DNMT3B: variants seen among roughly 807,000 people sequenced by gnomAD.
DNMT3B encodes DNA (cytosine-5)-methyltransferase 3B.
DNMT3B carries 37 observed loss-of-function variants against 120.2 expected under a neutral mutation model. The observed-to-expected ratio is 0.31, with a 90% CI of 0.24 to 0.40. The LOEUF (loss-of-function observed/expected upper bound fraction) is 0.40. DNMT3B is among the 10% of genes least tolerant of loss of function. DNMT3B has a pLI of 1.00. For synonymous variants in DNMT3B, 412 were observed against 442.8 expected (o/e 0.93, Z 0.87); for missense variants, 878 against 1,137.3 (o/e 0.77, Z 3.28).
chr20:32,765,977 T>A (rs1987343829), intron 1 of DNMT3B, among the ~76,000 whole-genome samples: 1 of 151,898 alleles, frequency 6.6e-6, no homozygotes, highest in South Asian at 2.1e-4. Flanking sequence ...CAGGATGGTC[T>A]CAATCTCCTG....
At chr20:32,794,485 C>T (rs958582046) in intron 10 of DNMT3B, among the ~76,000 whole-genome samples, 1 of 152,040 alleles carries the variant, frequency 6.6e-6, no homozygotes, top group African/African-American at 2.4e-5. Flanking sequence ...AGTTCACCAG[C>T]CTGGCCAGCA....
chr20:32,803,836 C>T (rs1981660275), intron 20 of DNMT3B, among the ~76,000 whole-genome samples: 1 of 152,236 alleles, frequency 6.6e-6, no homozygotes, highest in African/African-American at 2.4e-5. Context: ...TAATGTGGTA[C>T]CGCTGAAATC....
chr20:32,777,806 G>A (rs951781223), intron 1 of DNMT3B, among the ~76,000 whole-genome samples: 2 of 152,180 alleles, frequency 1.3e-5, no homozygotes, highest in South Asian at 2.1e-4. Context: ...CTGTTCTTCC[G>A]GGTCAGGGCT....
rs145326983 is a variant in DNMT3B at position 32,787,416 on chromosome 20, G to A, written c.619G>A (p.Ala207Thr). The change falls in exon 6 of 23, where the codon GCA becomes ACA. Residue 207 changes from alanine to threonine, a missense_variant. Ala to Thr is a moderately conservative substitution (Grantham distance 58). Around this residue, in one of 4 missense-constraint regions of DNMT3B, gnomAD observed 287 missense variants for 306.2 expected, o/e 0.94. Transcript: ENST00000328111. ...GGGCATGGAGTCCCCGCAGGTGGAG[G>A]CAGACAGTGGAGATGGAGACAGTTC... is the stretch of plus-strand genomic sequence containing the variant. ...QGGMESPQVE[A>T]DSGDGDSSEY... 1.2e-6 allele frequency: 2 copies of A among 1,614,112 alleles called. No homozygotes were observed. The highest frequency in any genetic ancestry group is 1.7e-5 in the Admixed American group (1 of 60,012).
chr20:32,767,322 C>T (rs1987441333), intron 1 of DNMT3B, among the ~76,000 whole-genome samples: 1 of 152,140 alleles, frequency 6.6e-6, no homozygotes, highest in African/African-American at 2.4e-5. Context: ...CTCAATTTTC[C>T]AGTACCTTGC....
At chr20:32,786,354 G>A in intron 4 of DNMT3B, 148 bp from the exon 5 acceptor site, 1 of 1,150,756 alleles carries the variant, frequency 8.7e-7, no homozygotes, top group Non-Finnish European at 1.3e-6. Flanking sequence ...TCAGTCCAGA[G>A]TCCCACCTCA....
chr20:32,776,828 TGAGA>T (rs1227893764), intron 1 of DNMT3B, among the ~76,000 whole-genome samples: 1 of 152,028 alleles, frequency 6.6e-6, no homozygotes, highest in African/African-American at 2.4e-5. Context: ...TTTTGAGGTC[TGAGA>T]AAGGAAGCAG....
chr20:32,796,845 G>T lies in DNMT3B; in HGVS notation c.1353G>T (p.Glu451Asp). Residue 451 changes from glutamate to aspartate, a missense_variant, in exon 13 of 23, where the codon GAG (glutamate) becomes GAT (aspartate). Glu to Asp is a conservative substitution (Grantham distance 45, BLOSUM62 2). Around this residue, in one of 4 missense-constraint regions of DNMT3B, gnomAD observed 207 missense variants for 222.6 expected, o/e 0.93. Coordinates refer to ENST00000328111, the MANE Select transcript of DNMT3B (RefSeq NM_006892.4). ...KNPVSFHPLF[E>D]GGLCQTCRDR... ...CCGTGTCCTTCCACCCTCTCTTTGA[G>T]GGGGGGCTCTGTCAGACATGCCGGG... is the stretch of plus-strand genomic sequence containing the variant. The T allele has an allele frequency of 1.9e-6, 3 of 1,614,118 alleles. No individual in the cohort carries two copies. Among genetic ancestry groups the T allele is most frequent in the Admixed American group, 1.7e-5 (1 of 60,018 alleles).
chr20:32,783,324 T>C (rs576079472), intron 3 of DNMT3B, among the ~76,000 whole-genome samples: 6 of 152,352 alleles, frequency 3.9e-5, no homozygotes, highest in African/African-American at 1.4e-4. Context: ...TCTAAGCTTA[T>C]TTTAATGAAT....
intron 9 of DNMT3B, 21 bp downstream of exon 9, chr20:32,792,791 CAG>C: frequency 6.2e-7 from 1 of 1,613,770 alleles, no homozygotes; most frequent in Non-Finnish European, 8.5e-7. Flanking sequence ...GTCCCCATGG[CAG>C]CACCCGCTGC....
intron 16 of DNMT3B, 98 bp from the exon 17 acceptor site, chr20:32,800,055 A>C (rs1858526542): frequency 6.5e-7 from 1 of 1,538,178 alleles, no homozygotes; most frequent in South Asian, 1.1e-5. Context: ...TGATACAGTC[A>C]TGAGGAACTG....
At chr20:32,770,195 C>T (rs148207355) in intron 1 of DNMT3B, among the ~76,000 whole-genome samples, 279 of 152,292 alleles carry the variant, frequency 1.8e-3, no homozygotes, top group African/African-American at 6.2e-3. Flanking sequence ...TCACTGCAAC[C>T]TCCACCTCCT....
In DNMT3B at chr20:32,780,451, C is replaced by T. The variant is rs757214677; in HGVS notation, c.128C>T (p.Thr43Ile). The T allele has an allele frequency of 2.2e-5, 35 of 1,612,976 alleles. No homozygotes were observed. The highest frequency in any genetic ancestry group is 2.9e-5 in the Non-Finnish European group (34 of 1,179,978). Residue 43 changes from threonine to isoleucine, a missense_variant, in exon 2 of 23, where the codon ACC becomes ATC. Physicochemically the swap from Thr to Ile is moderately conservative, Grantham distance 89. Transcript: ENST00000328111. ...CCCCCAATCCTGGAGGCTATCCGCACCCCGGAGATCAGAGGTGGCTGGGCA... is the reference window on the plus strand; with the variant it reads ...CCCCCAATCCTGGAGGCTATCCGCATCCCGGAGATCAGAGGTGGCTGGGCA... Reference protein sequence around the residue: ...DSPPILEAIRTPEIRGRRSSS... With the variant: ...DSPPILEAIRIPEIRGRRSSS...
chr20:32,787,947 G>A (rs934909481), intron 6 of DNMT3B, among the ~76,000 whole-genome samples: 2 of 151,956 alleles, frequency 1.3e-5, no homozygotes, highest in East Asian at 3.9e-4. Context: ...GGGTCTCAAG[G>A]TGCTCAGTGG....
At chr20:32,805,807 A>T (rs1981906999) in intron 21 of DNMT3B, among the ~76,000 whole-genome samples, 1 of 151,716 alleles carries the variant, frequency 6.6e-6, no homozygotes, top group African/African-American at 2.4e-5. Flanking sequence ...CTAAACTCCA[A>T]TTGAGCATTC....
Position 32,790,936 on chromosome 20 carries a change from A to G in DNMT3B, c.814-665A>G, listed in dbSNP as rs139376519. ...CTCCCACTCCCAAAGTGCTGGGAATATAGGCCTGAGCCACTACGTCTGGCC... is the reference window on the plus strand; with the variant it reads ...CTCCCACTCCCAAAGTGCTGGGAATGTAGGCCTGAGCCACTACGTCTGGCC... On this transcript the variant is annotated intron_variant, in intron 7 of 22. Transcript: ENST00000328111. Among the ~76,000 whole-genome samples the G allele has an allele frequency of 1.5e-3, 224 of 152,344 alleles. 2 individuals are homozygous for G. Among genetic ancestry groups the G allele is most frequent in the Non-Finnish European group, 1.9e-3 (127 of 68,030 alleles).
In DNMT3B at chr20:32,792,678, T is replaced by C; in HGVS notation, c.974T>C (p.Leu325Ser). 6.2e-7 allele frequency: 1 copy of C among 1,614,224 alleles called. No homozygotes were observed. Among genetic ancestry groups the C allele is most frequent in the South Asian group, 1.1e-5 (1 of 91,082 alleles). ...TTCCCCAGCAGCCCTGGAGACTCAT[T>C]GGAGGACCAGCTGAAGCCCATGTTG... Reference protein sequence around the residue: ...KTFPSSPGDSLEDQLKPMLEW... With the variant: ...KTFPSSPGDSSEDQLKPMLEW... The change falls in exon 9 of 23, where the codon TTG becomes TCG. Residue 325 changes from leucine to serine, a missense_variant. By Grantham distance (145) the Leu-to-Ser change is moderately radical. This residue lies in a region of DNMT3B where 207 missense variants were observed against 222.6 expected (regional missense o/e 0.93). Transcript: ENST00000328111.
chr20:32,782,850 C>T (rs1227361554), intron 3 of DNMT3B, among the ~76,000 whole-genome samples: 2 of 152,134 alleles, frequency 1.3e-5, no homozygotes, highest in Non-Finnish European at 2.9e-5. Flanking sequence ...CTTTTTATTC[C>T]TGGAATGAGT....
Position 32,792,651 on chromosome 20 carries a change from C to A in DNMT3B, c.947C>A (p.Thr316Asn), listed in dbSNP as rs138369083. 3 of 1,614,262 alleles carry A rather than the reference C, an allele frequency of 1.9e-6. No homozygotes were observed. Among genetic ancestry groups the A allele is most frequent in the South Asian group, 2.2e-5 (2 of 91,092 alleles). ...AAAGCTAGGGTGCGAGCTGGCAAGA[C>A]CTTCCCCAGCAGCCCTGGAGACTCA... is the stretch of plus-strand genomic sequence containing the variant. Reference protein sequence around the residue: ...LEKARVRAGKTFPSSPGDSLE... With the variant: ...LEKARVRAGKNFPSSPGDSLE... Residue 316 changes from threonine (T) to asparagine (N), a missense_variant, in exon 9 of 23, where the codon ACC becomes AAC. By Grantham distance (65) the Thr-to-Asn change is moderately conservative. Transcript: ENST00000328111.
Sources: allele counts gnomAD v4.1 joint callset (sites outside exome capture counted in the v4.1 genomes callset), GRCh38; gene constraint gnomAD v4.1.1; regional missense constraint gnomAD v4.1.1; transcripts MANE v1.5; gene names NCBI Gene and HGNC (gene_info 2026-07-23, HGNC 2026-07-21).